RNF6: variants seen among roughly 807,000 people sequenced by gnomAD.
The protein encoded by RNF6 is E3 ubiquitin-protein ligase RNF6.
In RNF6, 21 loss-of-function variants were observed where a neutral mutation model predicts 50.1. The ratio of observed to expected loss-of-function variants is 0.42; its 90% CI spans 0.30 to 0.60. The LOEUF is 0.60. Among genes scored for constraint, RNF6 ranks in the 20% least tolerant of loss-of-function variants. The pLI is 0.20. For missense variants in RNF6, 698 were observed against 838.2 expected, an observed-to-expected ratio of 0.83 and a Z score of 2.07; for synonymous variants, 255 against 291.8, an observed-to-expected ratio of 0.87 and a Z score of 1.29.
At chr13:26,181,857 A>G (rs1179256062) in intron 5 of RNF6, among the ~76,000 whole-genome samples, 1 of 152,220 alleles carries the variant, frequency 6.6e-6, no homozygotes, top group African/African-American at 2.4e-5. Context: ...CCGTTTTTGC[A>G]GGACAAGAGC....
At chr13:26,191,341 T>TA (rs1300107219) in intron 5 of RNF6, among the ~76,000 whole-genome samples, 2 of 152,128 alleles carry the variant, frequency 1.3e-5, no homozygotes, top group South Asian at 2.1e-4. Flanking sequence ...TTGCTGTGGA[T>TA]AAAAAAATCA....
At chr13:26,182,961 G>A (rs1257014921) in intron 5 of RNF6, among the ~76,000 whole-genome samples, 1 of 152,190 alleles carries the variant, frequency 6.6e-6, no homozygotes, top group African/African-American at 2.4e-5. Flanking sequence ...CGGGCTTTGA[G>A]GTAAGAATTC....
chr13:26,219,119 C>G (rs1870204955), intron 3 of RNF6, among the ~76,000 whole-genome samples: 2 of 151,898 alleles, frequency 1.3e-5, no homozygotes, highest in African/African-American at 2.4e-5. Flanking sequence ...TTATAATACC[C>G]CAAATGAGTT....
At chr13:26,141,459 C>G (rs1870946859) in intron 5 of RNF6, among the ~76,000 whole-genome samples, 1 of 149,162 alleles carries the variant, frequency 6.7e-6, no homozygotes. Flanking sequence ...CCAGAGGCAA[C>G]AGATTACCCA....
intron 4 of RNF6, among the ~76,000 whole-genome samples, chr13:26,217,506 G>A (rs982620829): frequency 6.6e-5 from 10 of 152,336 alleles, no homozygotes; most frequent in Admixed American, 4.6e-4. Flanking sequence ...GAGAGTAAGC[G>A]ATACATCCTA....
intron 5 of RNF6, among the ~76,000 whole-genome samples, chr13:26,148,632 TTATATATATATATATATA>T (rs57373126): frequency 0.012 from 565 of 47,070 alleles, 34 homozygotes; most frequent in Middle Eastern, 0.08. Context: ...ATAAATCTCT[TTATATATATATATATATA>T]TATATATATA....
chr13:26,195,453 A>C (rs1868624630), intron 5 of RNF6, among the ~76,000 whole-genome samples: 1 of 152,222 alleles, frequency 6.6e-6, no homozygotes, highest in Admixed American at 6.5e-5. Context: ...GAAGAAAAAG[A>C]GAAAGGAAAG....
At chr13:26,143,665 C>T (rs568494601) in intron 5 of RNF6, among the ~76,000 whole-genome samples, 188 of 152,282 alleles carry the variant, frequency 1.2e-3, no homozygotes, top group African/African-American at 4.2e-3. Flanking sequence ...AGAGAATGTA[C>T]AGCCTCCTGA....
At chr13:26,136,303 A>G (rs988890891) in intron 5 of RNF6, among the ~76,000 whole-genome samples, 1 of 152,216 alleles carries the variant, frequency 6.6e-6, no homozygotes, top group Non-Finnish European at 1.5e-5. Flanking sequence ...TATATAGATC[A>G]GAATAGTCAA....
At chr13:26,157,674 T>G (rs1362430026) in intron 5 of RNF6, among the ~76,000 whole-genome samples, 2 of 152,178 alleles carry the variant, frequency 1.3e-5, no homozygotes, top group African/African-American at 4.8e-5. Context: ...CTTTGCAGGT[T>G]GACAAAGATT....
chr13:26,166,955 C>T (rs972933331), intron 5 of RNF6, among the ~76,000 whole-genome samples: 2 of 152,284 alleles, frequency 1.3e-5, no homozygotes, highest in South Asian at 2.1e-4. Context: ...ACTTGTAAGG[C>T]CTCCCAAGCC....
intron 5 of RNF6, among the ~76,000 whole-genome samples, chr13:26,201,995 C>T (rs1221757087): frequency 6.6e-6 from 1 of 152,062 alleles, no homozygotes; most frequent in African/African-American, 2.4e-5. Flanking sequence ...GGTTCTAGAC[C>T]CCAGGATAAT....
intron 5 of RNF6, among the ~76,000 whole-genome samples, chr13:26,206,421 T>C (rs1214466769): frequency 6.6e-6 from 1 of 152,156 alleles, no homozygotes; most frequent in African/African-American, 2.4e-5. Context: ...CTTCACAGAG[T>C]GTCAAACACT....
At chr13:26,193,677 G>C (rs1307301673) in intron 5 of RNF6, among the ~76,000 whole-genome samples, 1 of 152,138 alleles carries the variant, frequency 6.6e-6, no homozygotes, top group Non-Finnish European at 1.5e-5. Context: ...AATCAAGAGA[G>C]AGTTTTTAAA....
intron 5 of RNF6, among the ~76,000 whole-genome samples, chr13:26,175,618 G>A (rs1872918825): frequency 6.6e-6 from 1 of 152,142 alleles, no homozygotes; most frequent in African/African-American, 2.4e-5. Flanking sequence ...GATTGCAGAG[G>A]CACCGTGGTG....
chr13:26,157,882 AGATG>A (rs61591240), intron 5 of RNF6, among the ~76,000 whole-genome samples: 20,712 of 149,202 alleles, frequency 0.14, 1,729 homozygotes, highest in Admixed American at 0.2. Flanking sequence ...AGAGAAAAAG[AGATG>A]GATGGATGGA....
intron 5 of RNF6, chr13:26,154,278 TA>T (rs1871791095): frequency 6.6e-6 from 1 of 152,238 alleles, no homozygotes; most frequent in Non-Finnish European, 1.5e-5. Context: ...GGATTATAAG[TA>T]AAACATAGTT....
chr13:26,198,743 C>T (rs4770956), intron 5 of RNF6, among the ~76,000 whole-genome samples: 75,088 of 151,670 alleles, frequency 0.5, 22,018 homozygotes, highest in East Asian at 0.7. Flanking sequence ...GAATATAATA[C>T]GAAATACTTT....
intron 5 of RNF6, among the ~76,000 whole-genome samples, chr13:26,148,453 T>C (rs558390350): frequency 5.4e-4 from 82 of 151,596 alleles, no homozygotes; most frequent in Admixed American, 1.5e-3. Context: ...TCTTTCCTAC[T>C]GGGAAGAAAG....
Sources: allele counts gnomAD v4.1 joint callset (sites outside exome capture counted in the v4.1 genomes callset), GRCh38; gene constraint gnomAD v4.1.1; transcripts MANE v1.5; gene names NCBI Gene and HGNC (gene_info 2026-07-23, HGNC 2026-07-21).